The following KCNIP4 variants were observed in gnomAD, a reference collection of about 807,000 sequenced individuals.
The protein encoded by KCNIP4 is potassium voltage-gated channel interacting protein 4, also known as Kv channel-interacting protein 4.
A neutral mutation model predicts 34.0 loss-of-function variants in KCNIP4; 12 were observed. The ratio of observed to expected loss-of-function variants is 0.35; its 90% CI spans 0.23 to 0.57. The LOEUF is 0.57. Ranked by LOEUF, KCNIP4 falls within the 20% of genes least tolerant of loss-of-function variation. KCNIP4 has a pLI of 0.83. For missense variants in KCNIP4, 238 were observed against 311.7 expected, an observed-to-expected ratio of 0.76 and a Z score of 1.78; for synonymous variants, 124 against 102.2, an observed-to-expected ratio of 1.21 and a Z score of -1.29.
At chr4:21,346,367 G>A (rs970856717) in intron 1 of KCNIP4, among the ~76,000 whole-genome samples, 5 of 138,762 alleles carry the variant, frequency 3.6e-5, no homozygotes, top group Non-Finnish European at 4.6e-5. Context: ...CAAGAATAAA[G>A]AGCCTTTTTT....
chr4:20,971,586 A>C (rs1019473147), intron 1 of KCNIP4, among the ~76,000 whole-genome samples: 8 of 152,206 alleles, frequency 5.3e-5, no homozygotes, highest in African/African-American at 1.7e-4. Context: ...GTAATTTAAA[A>C]ATACTTTACT....
intron 1 of KCNIP4, among the ~76,000 whole-genome samples, chr4:21,305,253 A>C (rs1173937546): frequency 1.3e-5 from 2 of 152,182 alleles, no homozygotes; most frequent in Non-Finnish European, 2.9e-5. Context: ...CTTTTGAGGC[A>C]GTGGAGTATA....
chr4:21,577,633 A>AAAAC lies in KCNIP4; in HGVS notation c.61+370934_61+370937dup, dbSNP rs36186672. ...ATAACAAGAGCGAAACTCCATCTTA[A>AAAAC]AAACAAACAAACAAACAAACAAACA... On this transcript the variant is annotated intron_variant, in intron 1 of 8. Transcript: ENST00000382152. Among the ~76,000 whole-genome samples the AAAAC allele has an allele frequency of 9.2e-3, 1,392 of 150,918 alleles. 31 individuals are homozygous for AAAAC. Among genetic ancestry groups the AAAAC allele is most frequent in the African/African-American group, 0.032 (1,300 of 41,022 alleles).
chr4:21,376,793 C>T (rs2109459252), intron 1 of KCNIP4, among the ~76,000 whole-genome samples: 1 of 152,322 alleles, frequency 6.6e-6, no homozygotes, highest in East Asian at 1.9e-4. Context: ...CCTGTTTAGA[C>T]TTGCGGATTG....
At chr4:21,878,148 T>G (rs2109378559) in intron 1 of KCNIP4, among the ~76,000 whole-genome samples, 1 of 152,308 alleles carries the variant, frequency 6.6e-6, no homozygotes, top group Non-Finnish European at 1.5e-5. Context: ...TGGTCTCTGC[T>G]GACTGTAGCC....
intron 1 of KCNIP4, among the ~76,000 whole-genome samples, chr4:21,825,399 T>C (rs537257111): frequency 6.6e-6 from 1 of 152,280 alleles, no homozygotes; most frequent in Non-Finnish European, 1.5e-5. Context: ...CACACATCAT[T>C]TTTATTCCCA....
intron 2 of KCNIP4, among the ~76,000 whole-genome samples, chr4:20,875,731 A>G (rs1723947037): frequency 6.6e-6 from 1 of 152,138 alleles, no homozygotes; most frequent in South Asian, 2.1e-4. Flanking sequence ...ATTAAAAAAA[A>G]AATCCTGGAG....
At chr4:21,206,026 C>T (rs1420257044) in intron 1 of KCNIP4, among the ~76,000 whole-genome samples, 3 of 152,214 alleles carry the variant, frequency 2.0e-5, no homozygotes, top group African/African-American at 7.2e-5. Flanking sequence ...CACATTCTTT[C>T]TACCACTGAC....
chr4:20,974,777 A>C (rs2149682465), intron 1 of KCNIP4, among the ~76,000 whole-genome samples: 1 of 152,342 alleles, frequency 6.6e-6, no homozygotes, highest in East Asian at 1.9e-4. Flanking sequence ...CAATGTAGCC[A>C]AAATTATGTC....
At position 20,795,515 on chromosome 4, in the gene KCNIP4, G is replaced by A. The variant is rs574865280; in HGVS notation, c.289-36625C>T. 1.1e-4 allele frequency among the ~76,000 whole-genome samples: 17 copies of A among 152,152 alleles called. No individual in the cohort carries two copies. The East Asian group carries it at 3.3e-3, about 29-fold the overall frequency. On this transcript the variant is annotated intron_variant, in intron 3 of 8. Coordinates refer to ENST00000382152, the MANE Select transcript of KCNIP4 (RefSeq NM_025221.6). ...ATTCTCAGTAATGCAGTCTTTCTCT[G>A]AATCATAGTTAGTATTCTTGACCCA...
intron 1 of KCNIP4, among the ~76,000 whole-genome samples, chr4:21,142,115 C>A (rs1377444740): frequency 3.5e-5 from 5 of 140,846 alleles, no homozygotes; most frequent in Admixed American, 2.2e-4. Context: ...CGTGCCACTG[C>A]ACTCCAGCCT....
chr4:21,396,044 T>C (rs1456319135), intron 1 of KCNIP4, among the ~76,000 whole-genome samples: 1 of 151,764 alleles, frequency 6.6e-6, no homozygotes, highest in Non-Finnish European at 1.5e-5. Flanking sequence ...TATATAAGAC[T>C]ATGTAGAGTC....
At chr4:21,182,945 A>T (rs573806705) in intron 1 of KCNIP4, among the ~76,000 whole-genome samples, 4 of 152,190 alleles carry the variant, frequency 2.6e-5, no homozygotes, top group South Asian at 2.1e-4. Flanking sequence ...TTTGCAATAG[A>T]TCTCTAAGTT....
chr4:20,990,460 A>G (rs756885147), intron 1 of KCNIP4, among the ~76,000 whole-genome samples: 11 of 152,206 alleles, frequency 7.2e-5, no homozygotes, highest in Non-Finnish European at 1.3e-4. Context: ...TATTGAATCC[A>G]CAAGGTCGAT....
chr4:21,757,968 G>C (rs114599319), intron 1 of KCNIP4, among the ~76,000 whole-genome samples: 1 of 152,078 alleles, frequency 6.6e-6, no homozygotes, highest in Non-Finnish European at 1.5e-5. Flanking sequence ...CAAGTAATTT[G>C]ACCTTAGTAT....
At chr4:21,211,559 C>T (rs1757226961) in intron 1 of KCNIP4, among the ~76,000 whole-genome samples, 1 of 152,130 alleles carries the variant, frequency 6.6e-6, no homozygotes, top group Non-Finnish European at 1.5e-5. Context: ...CATCCCTCCA[C>T]TGTCGCCTAG....
In KCNIP4 at chr4:21,324,459, T is replaced by C. The variant is rs1023955621; in HGVS notation, c.62-441750A>G. Among the ~76,000 whole-genome samples the C allele has an allele frequency of 4.6e-5, 7 of 152,176 alleles. No individual in the cohort carries two copies. In the East Asian group the frequency reaches 9.7e-4, roughly 21 times the overall value. ...AGATAGAGGTCTAGTTCCATTCTTC[T>C]GCATATGGATATCCAGCTTTCCCAG... On this transcript the variant is annotated intron_variant, in intron 1 of 8. Coordinates refer to ENST00000382152, the MANE Select transcript of KCNIP4 (RefSeq NM_025221.6).
At chr4:21,071,399 G>T (rs1744905299) in intron 1 of KCNIP4, among the ~76,000 whole-genome samples, 2 of 152,106 alleles carry the variant, frequency 1.3e-5, no homozygotes, top group South Asian at 4.1e-4. Context: ...ACCAAAGGTG[G>T]TTGGGCAAAT....
At chr4:21,125,736 A>G (rs967990433) in intron 1 of KCNIP4, among the ~76,000 whole-genome samples, 2 of 152,112 alleles carry the variant, frequency 1.3e-5, no homozygotes, top group Non-Finnish European at 1.5e-5. Context: ...AAACAACCAT[A>G]CTACCAGGCC....
Sources: allele counts gnomAD v4.1 joint callset (sites outside exome capture counted in the v4.1 genomes callset), GRCh38; gene constraint gnomAD v4.1.1; transcripts MANE v1.5; gene names NCBI Gene and HGNC (gene_info 2026-07-23, HGNC 2026-07-21).